ZC3H7A: variants seen among roughly 807,000 people sequenced by gnomAD.
ZC3H7A encodes the protein zinc finger CCCH-type containing 7A.
ZC3H7A carries 44 observed loss-of-function variants against 125.5 expected under a neutral mutation model. That is an observed-to-expected ratio of 0.35 (90% CI 0.28 to 0.45). ZC3H7A has a LOEUF of 0.45. Among genes scored for constraint, ZC3H7A ranks in the 20% least tolerant of loss-of-function variants. The pLI, the probability that ZC3H7A is intolerant of heterozygous loss-of-function variation, is 1.00. For missense variants in ZC3H7A, 977 were observed against 1,170.7 expected (o/e 0.83, Z 2.41); for synonymous variants, 399 against 391.2 (o/e 1.02, Z -0.23).
At chr16:11,774,642 G>C (rs1464300584) in intron 8 of ZC3H7A, 123 bp from the exon 9 acceptor site, 2 of 1,205,544 alleles carry the variant, frequency 1.7e-6, no homozygotes, top group African/African-American at 1.6e-5. Context: ...TAATAAAATT[G>C]ACAGTATAGT....
chr16:11,778,474 T>A (rs567300672), intron 4 of ZC3H7A, among the ~76,000 whole-genome samples: 1 of 150,718 alleles, frequency 6.6e-6, no homozygotes, highest in Non-Finnish European at 1.5e-5. Flanking sequence ...CGTAAGAGTG[T>A]TTTTTACCAA....
At chr16:11,776,687 T>C (rs946486116) in intron 5 of ZC3H7A, 64 bp downstream of exon 5, 7 of 1,541,822 alleles carry the variant, frequency 4.5e-6, no homozygotes, top group Non-Finnish European at 6.1e-6. Flanking sequence ...ATTTAACTCT[T>C]TAAATGCCAT....
At chr16:11,771,427 A>C (rs763963479) in intron 9 of ZC3H7A, among the ~76,000 whole-genome samples, 10 of 152,184 alleles carry the variant, frequency 6.6e-5, no homozygotes, top group Non-Finnish European at 1.5e-4. Context: ...AATCAGAATC[A>C]AGATTCGTTT....
intron 3 of ZC3H7A, 105 bp downstream of exon 3, chr16:11,781,320 A>G: frequency 1.0e-6 from 1 of 991,164 alleles, no homozygotes; most frequent in South Asian, 1.8e-5. Context: ...AAAGGACAGC[A>G]GGCCAGATTG....
At chr16:11,772,954 G>A (rs1341280361) in intron 9 of ZC3H7A, among the ~76,000 whole-genome samples, 1 of 151,778 alleles carries the variant, frequency 6.6e-6, no homozygotes, top group Non-Finnish European at 1.5e-5. Flanking sequence ...GCCTCCCAAA[G>A]TGCTGTGATT....
At chr16:11,755,906 T>G (rs1332537205) in intron 21 of ZC3H7A, among the ~76,000 whole-genome samples, 1 of 152,134 alleles carries the variant, frequency 6.6e-6, no homozygotes, top group Non-Finnish European at 1.5e-5. Flanking sequence ...GGCTCACGCT[T>G]GTAATCCCAG....
At chr16:11,762,210 C>G (rs2052764197) in intron 17 of ZC3H7A, among the ~76,000 whole-genome samples, 167 bp from the exon 18 acceptor site, 1 of 152,102 alleles carries the variant, frequency 6.6e-6, no homozygotes, top group African/African-American at 2.4e-5. Context: ...AATTCTCCCC[C>G]CAAATGTAAG....
At chr16:11,778,938 T>C (rs1478175598) in intron 4 of ZC3H7A, among the ~76,000 whole-genome samples, 2 of 152,018 alleles carry the variant, frequency 1.3e-5, no homozygotes, top group Admixed American at 1.3e-4. Flanking sequence ...GGTCTCAAAC[T>C]CCTAACCTCA....
chr16:11,784,801 C>T (rs2053229583), intron 1 of ZC3H7A, among the ~76,000 whole-genome samples: 1 of 149,300 alleles, frequency 6.7e-6, no homozygotes, highest in African/African-American at 2.5e-5. Flanking sequence ...TTGCAGTGAG[C>T]CAAGATCACG....
chr16:11,763,488 T>G lies in ZC3H7A; in HGVS notation c.1992A>C (p.Gln664His). 1 of 1,601,498 alleles carries G rather than the reference T, an allele frequency of 6.2e-7. No homozygotes were observed. The highest frequency in any genetic ancestry group is 8.5e-7 in the Non-Finnish European group (1 of 1,173,046). Residue 664 changes from glutamine (Q) to histidine (H), a missense_variant, in exon 16 of 23, where the codon CAA (glutamine) becomes CAC (histidine). By Grantham distance (24) the Gln-to-His change is conservative (BLOSUM62 0). Coordinates refer to ENST00000355758, the MANE Select transcript of ZC3H7A (RefSeq NM_014153.4). ...CGCACTCAAACCTACCTGTTTCATTTTGCATTATCCAGACTTTCAGTTCCA... is the reference window on the plus strand; with the variant it reads ...CGCACTCAAACCTACCTGTTTCATTGTGCATTATCCAGACTTTCAGTTCCA... ...SLVELKVWIM[Q>H]NETGISHDAI...
intron 7 of ZC3H7A, chr16:11,775,744 C>T (rs1016941560): frequency 5.3e-5 from 8 of 152,224 alleles, no homozygotes; most frequent in Admixed American, 1.3e-4. Context: ...CCCTGAACCA[C>T]TCTTATTGCA....
chr16:11,797,032 C>A (rs1246340048), intron 1 of ZC3H7A, 92 bp downstream of exon 1: 1 of 145,870 alleles, frequency 6.9e-6, no homozygotes, highest in Non-Finnish European at 1.5e-5. Context: ...TTAACGGCCG[C>A]GCGCGAGCAC....
intron 4 of ZC3H7A, among the ~76,000 whole-genome samples, chr16:11,778,071 A>G (rs2053112564): frequency 6.6e-6 from 1 of 152,026 alleles, no homozygotes; most frequent in African/African-American, 2.4e-5. Context: ...AAAGCACTTC[A>G]AAAGCTTTTA....
chr16:11,777,046 T>C, intron 4 of ZC3H7A, 137 bp from the exon 5 acceptor site: 1 of 634,340 alleles, frequency 1.6e-6, no homozygotes, highest in South Asian at 3.4e-5. Flanking sequence ...GTATTACTTT[T>C]ATTTTTTAAA....
At chr16:11,772,272 G>C (rs746516286) in intron 9 of ZC3H7A, among the ~76,000 whole-genome samples, 3 of 151,480 alleles carry the variant, frequency 2.0e-5, no homozygotes, top group Non-Finnish European at 4.4e-5. Flanking sequence ...AGGTGATCCA[G>C]AGACGGGAGC....
chr16:11,795,467 C>T (rs970216380), intron 1 of ZC3H7A, among the ~76,000 whole-genome samples: 12 of 152,232 alleles, frequency 7.9e-5, no homozygotes, highest in Non-Finnish European at 1.2e-4. Context: ...GAGGGAGTCT[C>T]GCTCTGTTGC....
intron 16 of ZC3H7A, 30 bp downstream of exon 16, chr16:11,763,448 G>A (rs901494615): frequency 4.4e-6 from 7 of 1,582,352 alleles, no homozygotes; most frequent in Middle Eastern, 1.7e-4. Flanking sequence ...CTCTTGAGGA[G>A]ACATACTTCT....
In ZC3H7A at chr16:11,758,545, T is replaced by TA. The variant is rs537992070; in HGVS notation, c.2320-7dup. 514 of 1,602,996 alleles carry TA rather than the reference T, an allele frequency of 3.2e-4. 4 individuals are homozygous for TA. The South Asian group carries it at 4.5e-3, about 14-fold the overall frequency. On this transcript the variant is annotated splice_region_variant and splice_polypyrimidine_tract_variant and intron_variant, in intron 19 of 22. Coordinates refer to ENST00000355758, the MANE Select transcript of ZC3H7A (RefSeq NM_014153.4). The stretch of plus-strand genomic sequence containing the variant: ...GAAGCAATATGGTTGCACAGCTGTA[T>TA]AAAAAAATAGGAATATGATTAAGAC...
chr16:11,795,730 G>A (rs1371940927), intron 1 of ZC3H7A, among the ~76,000 whole-genome samples: 1 of 151,974 alleles, frequency 6.6e-6, no homozygotes, highest in Non-Finnish European at 1.5e-5. Flanking sequence ...GAGCCACCCC[G>A]CCCGGCCCGT....
Sources: allele counts gnomAD v4.1 joint callset (sites outside exome capture counted in the v4.1 genomes callset), GRCh38; gene constraint gnomAD v4.1.1; transcripts MANE v1.5; gene names NCBI Gene and HGNC (gene_info 2026-07-23, HGNC 2026-07-21).